FOXP2: variants seen among roughly 807,000 people sequenced by gnomAD.
The protein encoded by FOXP2 is forkhead box P2.
In FOXP2, 12 loss-of-function variants were observed where a neutral mutation model predicts 115.8. The observed-to-expected ratio is 0.10, with a 90% confidence interval of 0.07 to 0.17. The LOEUF is 0.17. Among genes scored for constraint, FOXP2 ranks in the 10% least tolerant of loss-of-function variants. FOXP2 has a pLI of 1.00. For synonymous variants in FOXP2, 328 were observed against 297.7 expected (o/e 1.10, Z -1.05); for missense variants, 629 against 843.5 (o/e 0.75, Z 3.15).
chr7:114,104,352 CT>C (rs1791061373), intron 1 of FOXP2, among the ~76,000 whole-genome samples: 1 of 151,676 alleles, frequency 6.6e-6, no homozygotes, highest in Non-Finnish European at 1.5e-5. Flanking sequence ...GCAAAAAGAC[CT>C]AATGCAGTCA....
At chr7:114,304,071 G>A (rs752006339) in intron 2 of FOXP2, among the ~76,000 whole-genome samples, 37 of 152,052 alleles carry the variant, frequency 2.4e-4, no homozygotes, top group Admixed American at 2.2e-3. Flanking sequence ...TAGGTACGTG[G>A]ATTTATTTGA....
intron 16 of FOXP2, chr7:114,666,789 G>T (rs1256504622): frequency 6.6e-6 from 1 of 152,130 alleles, no homozygotes; most frequent in Non-Finnish European, 1.5e-5. Context: ...GTGGGATTGA[G>T]CACGTTACTT....
intron 16 of FOXP2, among the ~76,000 whole-genome samples, chr7:114,679,328 A>G (rs1194598941): frequency 6.6e-6 from 1 of 152,142 alleles, no homozygotes; most frequent in African/African-American, 2.4e-5. Flanking sequence ...TAAATTCTTC[A>G]CTTCTTTCCA....
At chr7:114,158,964 A>T (rs1792749791), upstream of FOXP2, among the ~76,000 whole-genome samples, 1 of 152,146 alleles carries the variant, frequency 6.6e-6, no homozygotes. Flanking sequence ...AGAATGAAGG[A>T]TAAGGGACCA....
chr7:114,660,604 A>T (rs931564855), intron 13 of FOXP2, among the ~76,000 whole-genome samples: 1 of 152,184 alleles, frequency 6.6e-6, no homozygotes, highest in African/African-American at 2.4e-5. Flanking sequence ...TTTAGATGTT[A>T]TTAGTTGCTA....
chr7:114,178,037 T>C (rs528773561), intron 1 of FOXP2, among the ~76,000 whole-genome samples: 2 of 152,110 alleles, frequency 1.3e-5, no homozygotes, highest in African/African-American at 4.8e-5. Flanking sequence ...AGTGGTATTT[T>C]GGTTTTATTA....
intron 2 of FOXP2, among the ~76,000 whole-genome samples, chr7:114,403,644 C>T (rs1328289008): frequency 6.6e-6 from 1 of 152,152 alleles, no homozygotes; most frequent in Non-Finnish European, 1.5e-5. Flanking sequence ...ATAGCTTACC[C>T]TTATCCTTGT....
chr7:114,456,623 T>C (rs1795321984), intron 2 of FOXP2, among the ~76,000 whole-genome samples: 1 of 152,200 alleles, frequency 6.6e-6, no homozygotes, highest in Non-Finnish European at 1.5e-5. Context: ...CTCTAAGAAT[T>C]TCAATAGGGT....
At chr7:114,249,782 T>C (rs1316832488) in intron 1 of FOXP2, among the ~76,000 whole-genome samples, 2 of 152,108 alleles carry the variant, frequency 1.3e-5, no homozygotes, top group East Asian at 1.9e-4. Context: ...TCTAGGTCTT[T>C]GTTTTTTTTT....
At chr7:114,317,120 T>C (rs1797295667) in intron 2 of FOXP2, among the ~76,000 whole-genome samples, 1 of 152,186 alleles carries the variant, frequency 6.6e-6, no homozygotes, top group Non-Finnish European at 1.5e-5. Flanking sequence ...ATTTTAGTTG[T>C]TTTGTTACTC....
At chr7:114,357,518 T>G (rs1425898486) in intron 2 of FOXP2, among the ~76,000 whole-genome samples, 1 of 152,150 alleles carries the variant, frequency 6.6e-6, no homozygotes, top group Non-Finnish European at 1.5e-5. Flanking sequence ...ATCCTAAGGC[T>G]GTCTCCCTTT....
intron 1 of FOXP2, among the ~76,000 whole-genome samples, chr7:114,181,277 A>AATATAT (rs143721093): frequency 2.9e-4 from 42 of 146,122 alleles, no homozygotes; most frequent in East Asian, 1.2e-3. Context: ...CTAATAAATT[A>AATATAT]ATATATATAT....
At chr7:114,166,482 A>G (rs957233712) in intron 1 of FOXP2, among the ~76,000 whole-genome samples, 1 of 152,170 alleles carries the variant, frequency 6.6e-6, no homozygotes, top group Non-Finnish European at 1.5e-5. Flanking sequence ...ACGTGGGCAG[A>G]TCACGAGGTC....
At chr7:114,316,314 A>G (rs567898934) in intron 2 of FOXP2, among the ~76,000 whole-genome samples, 2 of 152,352 alleles carry the variant, frequency 1.3e-5, no homozygotes, top group South Asian at 4.1e-4. Context: ...ATCAAAATAT[A>G]CATTACTCTA....
rs139475208 is a variant in FOXP2 at position 114,582,373 on chromosome 7, T to G, written c.259-46167T>G. On this transcript the variant is annotated intron_variant, in intron 3 of 16. Transcript: ENST00000350908. The stretch of plus-strand genomic sequence containing the variant: ...ACAACACCTGAATTCAAGCTTTGAT[T>G]ATCACCTTTTAGGGATTCCTGCTTC... Among the ~76,000 whole-genome samples, 606 of 152,308 alleles carry G rather than the reference T, an allele frequency of 4.0e-3. 9 individuals are homozygous for G. The highest frequency in any genetic ancestry group is 0.014 in the African/African-American group (577 of 41,568).
intron 2 of FOXP2, among the ~76,000 whole-genome samples, chr7:114,449,482 G>GT (rs956991347): frequency 2.0e-5 from 3 of 151,902 alleles, no homozygotes; most frequent in African/African-American, 4.8e-5. Flanking sequence ...CATTAAGACC[G>GT]TTTTTTTCTG....
intron 1 of FOXP2, among the ~76,000 whole-genome samples, chr7:114,268,356 G>A (rs981566285): frequency 3.3e-5 from 5 of 152,096 alleles, no homozygotes; most frequent in Admixed American, 3.3e-4. Flanking sequence ...TTGTGCAAGA[G>A]GGAATTTGCT....
At chr7:114,498,053 C>T (rs1797401323) in intron 2 of FOXP2, among the ~76,000 whole-genome samples, 1 of 152,144 alleles carries the variant, frequency 6.6e-6, no homozygotes, top group Non-Finnish European at 1.5e-5. Context: ...ATCTATGATA[C>T]CGAAATGTTT....
intron 2 of FOXP2, among the ~76,000 whole-genome samples, chr7:114,293,765 T>G (rs1030757513): frequency 2.0e-5 from 3 of 152,192 alleles, no homozygotes; most frequent in Non-Finnish European, 4.4e-5. Context: ...CTGCCACTAT[T>G]GTAAGTTTCC....
Sources: allele counts gnomAD v4.1 joint callset (sites outside exome capture counted in the v4.1 genomes callset), GRCh38; gene constraint gnomAD v4.1.1; transcripts MANE v1.5; gene names NCBI Gene and HGNC (gene_info 2026-07-23, HGNC 2026-07-21).